The following CCSER1 variants were observed in gnomAD, a reference collection of about 807,000 sequenced individuals.
CCSER1 encodes coiled-coil serine rich protein 1, also known as serine-rich coiled-coil domain-containing protein 1.
In CCSER1, 41 loss-of-function variants were observed where a neutral mutation model predicts 82.0. The observed-to-expected ratio is 0.50, with a 90% CI of 0.39 to 0.65. The LOEUF is 0.65. Ranked by LOEUF, CCSER1 falls within the 30% of genes least tolerant of loss-of-function variation. The pLI is 0.00. For synonymous variants in CCSER1, 414 were observed against 383.9 expected, an observed-to-expected ratio of 1.08 and a Z score of -0.92; for missense variants, 1,119 against 1,064.2, an observed-to-expected ratio of 1.05 and a Z score of -0.72.
At chr4:91,078,958 T>G (rs1432356450) in intron 9 of CCSER1, among the ~76,000 whole-genome samples, 2 of 152,196 alleles carry the variant, frequency 1.3e-5, no homozygotes, top group Non-Finnish European at 2.9e-5. Flanking sequence ...CTGATTGATG[T>G]ACCTGAAAGT....
intron 10 of CCSER1, among the ~76,000 whole-genome samples, chr4:91,139,305 A>C (rs1162854353): frequency 6.6e-6 from 1 of 152,038 alleles, no homozygotes; most frequent in African/African-American, 2.4e-5. Context: ...TTGATGGGAA[A>C]CTAGATTGGT....
At chr4:91,457,821 A>C (rs767798372) in intron 10 of CCSER1, among the ~76,000 whole-genome samples, 9 of 152,160 alleles carry the variant, frequency 5.9e-5, no homozygotes, top group Non-Finnish European at 1.2e-4. Context: ...TTATCATCTA[A>C]AATGTACTGA....
intron 10 of CCSER1, among the ~76,000 whole-genome samples, chr4:91,459,358 T>C (rs56855853): frequency 0.1 from 15,379 of 152,092 alleles, 846 homozygotes; most frequent in Non-Finnish European, 0.12. Context: ...TGCATATATA[T>C]ATATGTATAT....
intron 10 of CCSER1, among the ~76,000 whole-genome samples, chr4:91,521,584 A>AGAT (rs1198462427): frequency 1.2e-4 from 19 of 152,196 alleles, no homozygotes; most frequent in African/African-American, 4.6e-4. Flanking sequence ...AACTGGTGCA[A>AGAT]GATGGTATCT....
chr4:90,960,214 A>G lies in CCSER1; in HGVS notation c.2172+36767A>G, dbSNP rs189963540. On this transcript the variant is annotated intron_variant, in intron 9 of 10. Coordinates refer to ENST00000509176, the MANE Select transcript of CCSER1 (RefSeq NM_001145065.2). ...AAAGGATTTTACGTAATGCTTTTAT[A>G]TGCAAAACATCATGAAGCATAGTTC... Among the ~76,000 whole-genome samples, 224 of 152,296 alleles carry G rather than the reference A, an allele frequency of 1.5e-3. 1 individual carries two copies. The highest frequency in any genetic ancestry group is 7.3e-3 in the Admixed American group (111 of 15,286).
chr4:90,637,577 A>T (rs1368441974), intron 6 of CCSER1, among the ~76,000 whole-genome samples: 2 of 152,146 alleles, frequency 1.3e-5, no homozygotes, highest in African/African-American at 2.4e-5. Flanking sequence ...AAGGCCATTC[A>T]AAGTATCATT....
intron 9 of CCSER1, among the ~76,000 whole-genome samples, chr4:91,000,406 G>C (rs1345476716): frequency 5.3e-5 from 8 of 150,948 alleles, no homozygotes; most frequent in Non-Finnish European, 1.0e-4. Context: ...GGCTATTCTT[G>C]GCTCTTTGTT....
intron 10 of CCSER1, among the ~76,000 whole-genome samples, chr4:91,103,869 C>A (rs1015820026): frequency 3.9e-5 from 6 of 152,006 alleles, no homozygotes; most frequent in Non-Finnish European, 5.9e-5. Flanking sequence ...GCAAAAAGAG[C>A]CATATTTTTC....
chr4:91,190,430 C>G (rs761609372), intron 10 of CCSER1, among the ~76,000 whole-genome samples: 2 of 152,142 alleles, frequency 1.3e-5, no homozygotes, highest in African/African-American at 2.4e-5. Flanking sequence ...ATATCATATC[C>G]TCTATCCTTT....
At chr4:90,160,016 A>T (rs2153365273) in intron 1 of CCSER1, among the ~76,000 whole-genome samples, 1 of 152,334 alleles carries the variant, frequency 6.6e-6, no homozygotes, top group East Asian at 1.9e-4. Flanking sequence ...TCATCCTATT[A>T]GGTAGTGGTG....
At chr4:91,151,978 T>C (rs905753830) in intron 10 of CCSER1, among the ~76,000 whole-genome samples, 5 of 152,228 alleles carry the variant, frequency 3.3e-5, no homozygotes, top group African/African-American at 1.2e-4. Flanking sequence ...GTTCTGTAGA[T>C]GTCTATTAGG....
intron 1 of CCSER1, among the ~76,000 whole-genome samples, chr4:90,298,170 C>A (rs1379290594): frequency 4.0e-5 from 6 of 151,340 alleles, no homozygotes; most frequent in Non-Finnish European, 8.9e-5. Flanking sequence ...ACAATTTCAG[C>A]TCCTGTTATT....
chr4:90,369,065 C>T (rs1357820451), intron 3 of CCSER1, among the ~76,000 whole-genome samples: 1 of 151,658 alleles, frequency 6.6e-6, no homozygotes, highest in African/African-American at 2.4e-5. Context: ...ATTTTAAAAT[C>T]AGTAAATAAT....
intron 6 of CCSER1, among the ~76,000 whole-genome samples, chr4:90,711,690 A>G (rs370415499): frequency 6.6e-6 from 1 of 150,570 alleles, no homozygotes; most frequent in African/African-American, 2.4e-5. Flanking sequence ...CCACTTGATC[A>G]TGGTGGATAA....
intron 1 of CCSER1, among the ~76,000 whole-genome samples, chr4:90,252,422 T>C (rs1156230566): frequency 1.3e-5 from 2 of 151,866 alleles, no homozygotes; most frequent in Non-Finnish European, 2.9e-5. Context: ...TTTTCTTTTT[T>C]AACACATTGG....
intron 9 of CCSER1, among the ~76,000 whole-genome samples, chr4:91,077,226 G>T (rs1207541906): frequency 6.6e-6 from 1 of 152,070 alleles, no homozygotes; most frequent in Non-Finnish European, 1.5e-5. Flanking sequence ...TAGGAACAGG[G>T]ATAAATTAAC....
At chr4:91,038,744 T>C (rs1741667942) in intron 9 of CCSER1, among the ~76,000 whole-genome samples, 2 of 152,178 alleles carry the variant, frequency 1.3e-5, no homozygotes, top group South Asian at 4.1e-4. Context: ...TCAAAGTTTA[T>C]TGTATAAATT....
At chr4:90,211,926 A>G (rs1466128458) in intron 1 of CCSER1, among the ~76,000 whole-genome samples, 1 of 152,188 alleles carries the variant, frequency 6.6e-6, no homozygotes, top group East Asian at 1.9e-4. Context: ...GGAAACACAG[A>G]ATACTTCTTT....
intron 10 of CCSER1, among the ~76,000 whole-genome samples, chr4:91,446,672 A>ATATATATATATATATATATATATAT (rs1553938715): frequency 1.4e-5 from 1 of 72,544 alleles, no homozygotes; most frequent in African/African-American, 9.9e-5. Flanking sequence ...ATTTTAAATA[A>ATATATATATATATATATATATATAT]ATAAATATAT....
Sources: gnomAD v4.1 joint callset for allele counts (sites outside exome capture counted in the v4.1 genomes callset) on GRCh38, gnomAD v4.1.1 for gene constraint, MANE v1.5 for transcripts, NCBI Gene and HGNC (gene_info 2026-07-23, HGNC 2026-07-21) for gene names.